Variants in LYPD6B observed in about 807,000 individuals in gnomAD.
LYPD6B encodes LY6/PLAUR domain containing 6B.
In LYPD6B, 17 loss-of-function variants were observed where a neutral mutation model predicts 22.8. The ratio of observed to expected loss-of-function variants is 0.75; its 90% CI spans 0.51 to 1.12. The LOEUF (loss-of-function observed/expected upper bound fraction) is 1.12. LYPD6B is among the 50% of genes most tolerant of loss of function. The pLI is 0.00. For missense variants in LYPD6B, 221 were observed against 258.3 expected, an observed-to-expected ratio of 0.86 and a Z score of 0.99; for synonymous variants, 106 against 91.6, an observed-to-expected ratio of 1.16 and a Z score of -0.90.
At chr2:149,186,988 A>G (rs932429768) in intron 3 of LYPD6B, among the ~76,000 whole-genome samples, 1 of 152,234 alleles carries the variant, frequency 6.6e-6, no homozygotes, top group Non-Finnish European at 1.5e-5. Flanking sequence ...ACATTAAGGC[A>G]GGACCCTCCA....
At chr2:149,158,962 T>C (rs979218151) in intron 2 of LYPD6B, among the ~76,000 whole-genome samples, 31 of 152,304 alleles carry the variant, frequency 2.0e-4, no homozygotes, top group African/African-American at 5.5e-4. Flanking sequence ...ATAATAACAT[T>C]TATGGGAAAT....
intron 1 of LYPD6B, among the ~76,000 whole-genome samples, chr2:149,097,515 T>C (rs1685960069): frequency 6.6e-6 from 1 of 152,206 alleles, no homozygotes; most frequent in Admixed American, 6.5e-5. Context: ...TGTATTTTTA[T>C]TTGCTGAACT....
At chr2:149,188,244 C>G (rs1454105081) in intron 3 of LYPD6B, among the ~76,000 whole-genome samples, 3 of 152,054 alleles carry the variant, frequency 2.0e-5, no homozygotes, top group Non-Finnish European at 4.4e-5. Flanking sequence ...AATTTAATAT[C>G]CCCCCTGTGA....
chr2:149,187,916 AG>A (rs1385439620), intron 3 of LYPD6B, among the ~76,000 whole-genome samples: 4 of 152,224 alleles, frequency 2.6e-5, no homozygotes, highest in Admixed American at 1.3e-4. Context: ...TGTGGCTTTT[AG>A]GTAAGGAAAA....
chr2:149,066,367 C>A (rs1684333536), intron 1 of LYPD6B, among the ~76,000 whole-genome samples: 1 of 151,632 alleles, frequency 6.6e-6, no homozygotes, highest in Non-Finnish European at 1.5e-5. Flanking sequence ...TGATGTTCCC[C>A]TTCCTGTGTC....
intron 4 of LYPD6B, among the ~76,000 whole-genome samples, chr2:149,207,215 G>A: frequency 6.6e-6 from 1 of 152,084 alleles, no homozygotes; most frequent in Non-Finnish European, 1.5e-5. Flanking sequence ...TATATTCTCA[G>A]TATTTAACTT....
At chr2:149,145,810 A>G (rs1369980904) in intron 2 of LYPD6B, among the ~76,000 whole-genome samples, 1 of 152,222 alleles carries the variant, frequency 6.6e-6, no homozygotes, top group Non-Finnish European at 1.5e-5. Context: ...TGAGGGTGCC[A>G]GTCAAAAGAA....
intron 2 of LYPD6B, among the ~76,000 whole-genome samples, chr2:149,159,388 T>C (rs1383022187): frequency 6.6e-6 from 1 of 152,202 alleles, no homozygotes; most frequent in Non-Finnish European, 1.5e-5. Flanking sequence ...AGCCTAATTT[T>C]TGAACCACAT....
chr2:149,193,192 A>G (rs1692603895), intron 3 of LYPD6B, among the ~76,000 whole-genome samples: 1 of 152,136 alleles, frequency 6.6e-6, no homozygotes, highest in East Asian at 1.9e-4. Context: ...CCAGTCTCTT[A>G]GGCACTTGTA....
intron 2 of LYPD6B, among the ~76,000 whole-genome samples, chr2:149,134,116 T>A (rs1477746267): frequency 6.6e-6 from 1 of 152,066 alleles, no homozygotes; most frequent in African/African-American, 2.4e-5. Flanking sequence ...GAAGGGGACG[T>A]ACAGCGGAGA....
intron 2 of LYPD6B, among the ~76,000 whole-genome samples, chr2:149,157,290 T>A (rs1689766985): frequency 6.7e-6 from 1 of 150,232 alleles, no homozygotes; most frequent in South Asian, 2.2e-4. Flanking sequence ...ATTTTGTCTT[T>A]AAAAAAAAAC....
chr2:149,046,338 C>G (rs1451762099), intron 1 of LYPD6B, among the ~76,000 whole-genome samples: 10 of 152,076 alleles, frequency 6.6e-5, no homozygotes, highest in African/African-American at 2.4e-5. Context: ...ATACTTGAGT[C>G]TTATTTTTTC....
At chr2:149,121,596 C>A (rs999326379) in intron 1 of LYPD6B, among the ~76,000 whole-genome samples, 1 of 152,164 alleles carries the variant, frequency 6.6e-6, no homozygotes, top group Non-Finnish European at 1.5e-5. Flanking sequence ...AAAGTCATGT[C>A]CAGCTCTGGG....
chr2:149,169,871 A>T (rs935154781), intron 3 of LYPD6B, among the ~76,000 whole-genome samples: 1 of 152,184 alleles, frequency 6.6e-6, no homozygotes, highest in African/African-American at 2.4e-5. Flanking sequence ...CTTCAAGAGA[A>T]CGATTACTCA....
chr2:149,178,959 A>G (rs1691515843), intron 3 of LYPD6B, among the ~76,000 whole-genome samples: 1 of 152,240 alleles, frequency 6.6e-6, no homozygotes, highest in African/African-American at 2.4e-5. Flanking sequence ...ATTTCTGTCT[A>G]CTACCGTCGT....
chr2:149,125,263 A>C (rs1041092406), intron 1 of LYPD6B, among the ~76,000 whole-genome samples: 2 of 152,158 alleles, frequency 1.3e-5, no homozygotes, highest in South Asian at 4.2e-4. Context: ...GGCCCCGACA[A>C]AGCCCTTCAC....
At position 149,047,793 on chromosome 2, in the gene LYPD6B, A is replaced by C. The variant is rs375820805; in HGVS notation, c.-67+8992A>C. On this transcript the variant is annotated intron_variant, in intron 1 of 6. Coordinates refer to ENST00000409642, the MANE Select transcript of LYPD6B (RefSeq NM_177964.5). ...TGATACAGTCCCACAGCTCTTGGGC[A>C]CTCCATTCGTTTTTTGCTTGTTTTA... Among the ~76,000 whole-genome samples the C allele has an allele frequency of 7.2e-5, 11 of 151,860 alleles. No homozygotes were observed. In the East Asian group the frequency reaches 7.7e-4, roughly 11 times the overall value.
chr2:149,112,720 C>T (rs1686818305), intron 1 of LYPD6B, among the ~76,000 whole-genome samples: 2 of 152,144 alleles, frequency 1.3e-5, no homozygotes, highest in South Asian at 4.1e-4. Flanking sequence ...TTATATTATT[C>T]CTTCAAACTT....
chr2:149,083,866 G>C (rs1252830942), intron 1 of LYPD6B, among the ~76,000 whole-genome samples: 1 of 152,050 alleles, frequency 6.6e-6, no homozygotes, highest in Non-Finnish European at 1.5e-5. Flanking sequence ...CACAAGGTCA[G>C]CAGTTCGAGA....
Sources: allele counts gnomAD v4.1 joint callset (sites outside exome capture counted in the v4.1 genomes callset), GRCh38; gene constraint gnomAD v4.1.1; transcripts MANE v1.5; gene names NCBI Gene and HGNC (gene_info 2026-07-23, HGNC 2026-07-21).